The following SRC variants were observed in gnomAD, a reference collection of about 807,000 sequenced individuals.
SRC encodes the protein proto-oncogene tyrosine-protein kinase Src.
A neutral mutation model predicts 62.9 loss-of-function variants in SRC; 13 were observed. The ratio of observed to expected loss-of-function variants is 0.21; its 90% CI spans 0.13 to 0.33. The LOEUF is 0.33. Ranked by LOEUF, SRC falls within the 10% of genes least tolerant of loss-of-function variation. The probability of loss-of-function intolerance (pLI) is 1.00; values close to 1 mark genes in which losing one functional copy is unlikely to be tolerated. For synonymous variants in SRC, 302 were observed against 317.5 expected, an observed-to-expected ratio of 0.95 and a Z score of 0.52; for missense variants, 457 against 737.3, an observed-to-expected ratio of 0.62 and a Z score of 4.40.
intron 1 of SRC, among the ~76,000 whole-genome samples, chr20:37,353,009 C>G (rs187998368): frequency 6.6e-6 from 1 of 152,346 alleles, no homozygotes; most frequent in African/African-American, 2.4e-5. Context: ...TTCCTCATGG[C>G]TCTGACACAT....
chr20:37,393,110 TCTC>T (rs1402437429), intron 5 of SRC, among the ~76,000 whole-genome samples: 1 of 152,038 alleles, frequency 6.6e-6, no homozygotes, highest in East Asian at 1.9e-4. Context: ...CCCCACTCCT[TCTC>T]CTCACTTTCG....
chr20:37,368,518 C>CTTTTTTTTTTTTTTGT (rs2070102489), intron 2 of SRC, among the ~76,000 whole-genome samples: 4 of 73,898 alleles, frequency 5.4e-5, no homozygotes, highest in African/African-American at 8.6e-5. Context: ...CCTATATTTT[C>CTTTTTTTTTTTTTTGT]TTTTTTTTTT....
chr20:37,395,730 C>A (rs2070634549), intron 7 of SRC, among the ~76,000 whole-genome samples: 1 of 152,254 alleles, frequency 6.6e-6, no homozygotes, highest in Admixed American at 6.5e-5. Flanking sequence ...CAGGGCCACA[C>A]AGCCACAGGG....
At chr20:37,366,636 T>C (rs2070066722) in intron 2 of SRC, among the ~76,000 whole-genome samples, 2 of 152,228 alleles carry the variant, frequency 1.3e-5, no homozygotes, top group South Asian at 4.1e-4. Flanking sequence ...TCAAGTGTGC[T>C]CTTTTGTGGC....
chr20:37,363,900 G>A (rs1459051009), intron 1 of SRC, among the ~76,000 whole-genome samples: 1 of 152,176 alleles, frequency 6.6e-6, no homozygotes, highest in East Asian at 1.9e-4. Context: ...GTGCGATGGT[G>A]TGATGAGCGT....
At chr20:37,370,777 G>A (rs983775064) in intron 2 of SRC, among the ~76,000 whole-genome samples, 3 of 152,020 alleles carry the variant, frequency 2.0e-5, no homozygotes, top group Admixed American at 6.6e-5. Flanking sequence ...TTATGGTATC[G>A]GGGTAATACC....
intron 1 of SRC, among the ~76,000 whole-genome samples, chr20:37,361,954 GGTAGAGAT>G (rs1404820360): frequency 1.3e-5 from 2 of 149,404 alleles, no homozygotes; most frequent in East Asian, 1.9e-4. Flanking sequence ...TCTGTGTGCA[GGTAGAGAT>G]GTAGAGATGC....
chr20:37,385,061 C>T (rs1440520417), intron 4 of SRC, among the ~76,000 whole-genome samples: 1 of 152,236 alleles, frequency 6.6e-6, no homozygotes, highest in Non-Finnish European at 1.5e-5. Context: ...TCACAGACAC[C>T]CGCAGACACA....
intron 10 of SRC, among the ~76,000 whole-genome samples, 199 bp downstream of exon 10, chr20:37,400,493 C>G (rs2070721773): frequency 6.6e-6 from 1 of 152,076 alleles, no homozygotes; most frequent in African/African-American, 2.4e-5. Context: ...TCAAGCAGTT[C>G]TCCCACCTCA....
chr20:37,369,978 TTAG>T (rs1470834049), intron 2 of SRC, among the ~76,000 whole-genome samples: 6 of 152,116 alleles, frequency 3.9e-5, no homozygotes, highest in Non-Finnish European at 7.4e-5. Context: ...TTTTGTATTT[TTAG>T]TAGAGATGAG....
At chr20:37,363,841 G>A (rs961230489) in intron 1 of SRC, among the ~76,000 whole-genome samples, 1 of 152,180 alleles carries the variant, frequency 6.6e-6, no homozygotes, top group African/African-American at 2.4e-5. Context: ...CTAAGAGTTG[G>A]GATCTCAGGC....
Position 37,396,708 on chromosome 20 carries a change from C to T in SRC, c.703+397C>T, listed in dbSNP as rs750576400. 1.5e-5 allele frequency: 3 copies of T among 198,986 alleles called. No homozygotes were observed. The highest frequency in any genetic ancestry group is 1.1e-4 in the Admixed American group (2 of 18,322). 12.3% of individuals were successfully genotyped at this position (198,986 alleles called of 1,614,324 possible). On this transcript the variant is annotated intron_variant, in intron 8 of 13. Transcript: ENST00000373578. This position sits in a 1 kb window ranked among gnomAD's most constrained non-coding sequence, Gnocchi z 6.1. The stretch of plus-strand genomic sequence containing the variant: ...CGGTTGCTGGGAGAGGAGGAGGGGG[C>T]GGCCAGATCGATTGCAGCAAAGAGG...
At chr20:37,373,435 A>ATG (rs1568628771) in intron 2 of SRC, among the ~76,000 whole-genome samples, 2,106 of 96,734 alleles carry the variant, frequency 0.022, 53 homozygotes, top group African/African-American at 0.15. Flanking sequence ...GCGTGTATAT[A>ATG]CGCATATATA....
At chr20:37,361,623 C>T (rs1600963552) in intron 1 of SRC, among the ~76,000 whole-genome samples, 1 of 152,242 alleles carries the variant, frequency 6.6e-6, no homozygotes, top group Non-Finnish European at 1.5e-5. Context: ...GGCTGGCGGC[C>T]ATCTCCACAA....
At chr20:37,369,021 C>T (rs1479548163) in intron 2 of SRC, among the ~76,000 whole-genome samples, 1 of 152,142 alleles carries the variant, frequency 6.6e-6, no homozygotes, top group Non-Finnish European at 1.5e-5. Context: ...GTGATTGTTT[C>T]CTTTTGGACT....
At chr20:37,391,199 G>A (rs773663544) in intron 5 of SRC, among the ~76,000 whole-genome samples, 6 of 152,206 alleles carry the variant, frequency 3.9e-5, no homozygotes, top group Admixed American at 1.3e-4. Flanking sequence ...AATTTTTAGC[G>A]TCTGGTCTTA....
At chr20:37,361,649 A>G (rs1886504653) in intron 1 of SRC, among the ~76,000 whole-genome samples, 1 of 152,102 alleles carries the variant, frequency 6.6e-6, no homozygotes, top group Admixed American at 6.5e-5. Context: ...ATCAGCCATC[A>G]CCCATCAGGG....
intron 1 of SRC, among the ~76,000 whole-genome samples, chr20:37,363,310 A>G (rs916160257): frequency 7.2e-5 from 11 of 152,196 alleles, no homozygotes; most frequent in Non-Finnish European, 1.3e-4. Context: ...GCCTAGGCCA[A>G]GGGCCAGCAG....
At chr20:37,378,580 C>T (rs2070312403) in intron 2 of SRC, among the ~76,000 whole-genome samples, 1 of 152,162 alleles carries the variant, frequency 6.6e-6, no homozygotes, top group Non-Finnish European at 1.5e-5. Flanking sequence ...GGTCTCTTAT[C>T]AGGCCACTCT....
Sources: gnomAD v4.1 joint callset for allele counts (sites outside exome capture counted in the v4.1 genomes callset) on GRCh38, gnomAD v4.1.1 for gene constraint, Gnocchi (gnomAD v3.1) non-coding constraint, MANE v1.5 for transcripts, NCBI Gene and HGNC (gene_info 2026-07-23, HGNC 2026-07-21) for gene names.